Variants in TM9SF2 observed in about 807,000 individuals in gnomAD.
TM9SF2 encodes transmembrane 9 superfamily member 2, also known as 76 kDa membrane protein.
A neutral mutation model predicts 84.9 loss-of-function variants in TM9SF2; 13 were observed. That is an observed-to-expected ratio of 0.15 (90% CI 0.10 to 0.24). The LOEUF (loss-of-function observed/expected upper bound fraction) is 0.24, where lower values mean the gene tolerates loss of function less well. Among genes scored for constraint, TM9SF2 ranks in the 10% least tolerant of loss-of-function variants. The pLI is 1.00. For missense variants in TM9SF2, 562 were observed against 818.5 expected, an observed-to-expected ratio of 0.69 and a Z score of 3.82; for synonymous variants, 273 against 285.8, an observed-to-expected ratio of 0.96 and a Z score of 0.45.
chr13:99,511,854 T>TA (rs1285457230), intron 1 of TM9SF2, among the ~76,000 whole-genome samples: 2 of 152,206 alleles, frequency 1.3e-5, no homozygotes, highest in Non-Finnish European at 2.9e-5. Flanking sequence ...AATAAAAAGT[T>TA]ACGGTAGCAA....
At chr13:99,528,827 A>G (rs949610503) in intron 3 of TM9SF2, among the ~76,000 whole-genome samples, 2 of 152,220 alleles carry the variant, frequency 1.3e-5, no homozygotes, top group Non-Finnish European at 1.5e-5. Context: ...ATAAATACAT[A>G]CATACAAAAG....
intron 10 of TM9SF2, among the ~76,000 whole-genome samples, chr13:99,546,490 A>T (rs1182983584): frequency 6.6e-6 from 1 of 152,040 alleles, no homozygotes; most frequent in Admixed American, 6.5e-5. Flanking sequence ...TAATGGCCGT[A>T]TGAAATCTTT....
chr13:99,559,454 T>A lies in TM9SF2; in HGVS notation c.1844T>A (p.Leu615Gln), dbSNP rs2046336141. 1 of 1,614,008 alleles carries A rather than the reference T, an allele frequency of 6.2e-7. No homozygotes were observed. Among genetic ancestry groups the A allele is most frequent in the Non-Finnish European group, 8.5e-7 (1 of 1,179,992 alleles). ...GCAGTACACTACTTCTTTTCAAAAC[T>A]GCAGATCACGGGAACAGCAAGCACA... ...IYAVHYFFSK[L>Q]QITGTASTIL... is the part of the protein sequence containing the mutation. The change falls in exon 16 of 17, where the codon CTG (leucine) becomes CAG (glutamine). Residue 615 changes from leucine (L) to glutamine (Q), a missense_variant. By Grantham distance (113) the Leu-to-Gln change is moderately radical. Transcript: ENST00000376387.
rs759136356 is a variant in TM9SF2 at position 99,501,646 on chromosome 13, C to T, written c.40C>T (p.Pro14Ser). 13 of 1,613,126 alleles carry T rather than the reference C, an allele frequency of 8.1e-6. No homozygotes were observed. Among genetic ancestry groups the T allele is most frequent in the Middle Eastern group, 1.7e-4 (1 of 6,054 alleles). ...RLPVLSPPRW[P>S]RLLLLSLLLL... ...GCCGGTGTTGTCTCCACCTCGGTGG[C>T]CGCGGCTGTTGCTGCTGTCGCTGCT... Residue 14 changes from proline (P) to serine (S), a missense_variant, in exon 1 of 17, where the codon CCG becomes TCG. Coordinates refer to ENST00000376387, the MANE Select transcript of TM9SF2 (RefSeq NM_004800.3).
Position 99,536,702 on chromosome 13 carries a change from G to C in TM9SF2, c.556G>C (p.Asp186His). 1 of 1,613,704 alleles carries C rather than the reference G, an allele frequency of 6.2e-7. No homozygotes were observed. The highest frequency in any genetic ancestry group is 8.5e-7 in the Non-Finnish European group (1 of 1,179,756). ...ATTTCCTATTGGCTGTTACATTACA[G>C]ATAAAGGCCATGCAAAAGATGCCTG... is the stretch of plus-strand genomic sequence containing the variant. ...PGFPIGCYIT[D>H]KGHAKDACVI... is the part of the protein sequence containing the mutation. Residue 186 changes from aspartate to histidine, a missense_variant, in exon 5 of 17, where the codon GAT (aspartate) becomes CAT (histidine). Physicochemically the swap from Asp to His is moderately conservative, Grantham distance 81. This residue lies in a region of TM9SF2 where 267 missense variants were observed against 316.7 expected (regional missense o/e 0.84). Transcript: ENST00000376387.
At chr13:99,560,217 C>T (rs1460647194) in intron 16 of TM9SF2, among the ~76,000 whole-genome samples, 2 of 152,132 alleles carry the variant, frequency 1.3e-5, no homozygotes, top group East Asian at 1.9e-4. Context: ...AATGTTAGCT[C>T]CTCACGCATG....
At chr13:99,529,719 A>G (rs756155695) in intron 4 of TM9SF2, 125 bp downstream of exon 4, 2 of 1,073,608 alleles carry the variant, frequency 1.9e-6, no homozygotes, top group South Asian at 2.3e-5. Flanking sequence ...TTTTTTTGTT[A>G]CTAGTGGTCG....
intron 1 of TM9SF2, among the ~76,000 whole-genome samples, chr13:99,508,443 A>ACACACACACACACACAC (rs1311954976): frequency 6.8e-6 from 1 of 147,448 alleles, no homozygotes; most frequent in Non-Finnish European, 1.5e-5. Flanking sequence ...ACACACACAC[A>ACACACACACACACACAC]CCCCAGAGAT....
At position 99,537,804 on chromosome 13, in the gene TM9SF2, T is replaced by C. The variant is rs948467515; in HGVS notation, c.657T>C (p.His219=). 2.5e-6 allele frequency: 4 copies of C among 1,611,804 alleles called. No homozygotes were observed. Among genetic ancestry groups the C allele is most frequent in the Non-Finnish European group, 3.4e-6 (4 of 1,179,604 alleles). The change falls in exon 6 of 17, where the codon CAT becomes CAC. Residue 219 remains histidine, a synonymous_variant. Coordinates refer to ENST00000376387, the MANE Select transcript of TM9SF2 (RefSeq NM_004800.3). ...FNHVDIKIYY[H]VVETGSMGAR... is the part of the protein sequence containing the mutation. ...ATGTTGACATCAAAATATACTATCA[T>C]GTTGTTGAAACTGGGTCCATGGGAG...
At chr13:99,539,042 A>G (rs1432413145) in intron 6 of TM9SF2, among the ~76,000 whole-genome samples, 1 of 151,900 alleles carries the variant, frequency 6.6e-6, no homozygotes, top group African/African-American at 2.4e-5. Flanking sequence ...TGTTTCTACA[A>G]AAAATGAAAA....
At chr13:99,550,708 G>C (rs1035517234) in intron 12 of TM9SF2, among the ~76,000 whole-genome samples, 1 of 152,084 alleles carries the variant, frequency 6.6e-6, no homozygotes, top group Non-Finnish European at 1.5e-5. Context: ...ATAAACACCT[G>C]CATATAATTA....
intron 7 of TM9SF2, chr13:99,540,495 CTTT>C (rs201378003): frequency 1.0e-2 from 1,408 of 140,918 alleles, no homozygotes; most frequent in East Asian, 0.019. Context: ...ACTAGGAATT[CTTT>C]TTTTTTTTTT....
intron 3 of TM9SF2, among the ~76,000 whole-genome samples, chr13:99,529,177 A>G (rs911470829): frequency 6.6e-6 from 1 of 152,182 alleles, no homozygotes; most frequent in African/African-American, 2.4e-5. Flanking sequence ...TTTGTTCTAC[A>G]TGGGATTTTT....
At chr13:99,518,255 A>G (rs1191374777) in intron 2 of TM9SF2, among the ~76,000 whole-genome samples, 1 of 152,084 alleles carries the variant, frequency 6.6e-6, no homozygotes, top group Non-Finnish European at 1.5e-5. Flanking sequence ...GGGATTATAG[A>G]TGCATGCCAC....
chr13:99,538,285 A>G (rs545273830), intron 6 of TM9SF2, among the ~76,000 whole-genome samples: 1 of 152,230 alleles, frequency 6.6e-6, no homozygotes, highest in African/African-American at 2.4e-5. Context: ...AGATGCCACT[A>G]TGAAATACGA....
Position 99,547,532 on chromosome 13 carries a change from T to C in TM9SF2, c.1270+428T>C, listed in dbSNP as rs1009599679. 5.3e-5 allele frequency among the ~76,000 whole-genome samples: 8 copies of C among 152,354 alleles called. No homozygotes were observed. In the East Asian group the frequency reaches 1.5e-3, roughly 29 times the overall value. On this transcript the variant is annotated intron_variant, in intron 11 of 16. Coordinates refer to ENST00000376387, the MANE Select transcript of TM9SF2 (RefSeq NM_004800.3). ...TACATATGAGAAGTCATACTTACAT[T>C]GTATCAATTTAATATTTATAAAAAT...
chr13:99,508,439 A>ACACACC (rs1555339321), intron 1 of TM9SF2, among the ~76,000 whole-genome samples: 11 of 151,448 alleles, frequency 7.3e-5, no homozygotes, highest in Non-Finnish European at 1.6e-4. Context: ...ACACACACAC[A>ACACACC]CACACCCCAG....
At chr13:99,541,517 G>T in intron 8 of TM9SF2, 42 bp from the exon 9 acceptor site, 2 of 1,424,084 alleles carry the variant, frequency 1.4e-6, no homozygotes, top group Non-Finnish European at 2.0e-6. Context: ...ACTGTTCCTA[G>T]GATTAAGCTA....
chr13:99,554,159 ATTTCAGTTTGAT>A, intron 13 of TM9SF2, 133 bp from the exon 14 acceptor site: 1 of 950,428 alleles, frequency 1.1e-6, no homozygotes, highest in Non-Finnish European at 1.5e-6. Context: ...CCAAAGACAA[ATTTCAGTTTGAT>A]GTCTTAAGTA....
Sources: allele counts gnomAD v4.1 joint callset (sites outside exome capture counted in the v4.1 genomes callset), GRCh38; gene constraint gnomAD v4.1.1; regional missense constraint gnomAD v4.1.1; transcripts MANE v1.5; gene names NCBI Gene and HGNC (gene_info 2026-07-23, HGNC 2026-07-21).